Variants in MRPS6 observed in about 807,000 individuals in gnomAD.
MRPS6 encodes small ribosomal subunit protein bS6m.
MRPS6 carries 6 observed loss-of-function variants against 13.1 expected under a neutral mutation model. The observed-to-expected ratio is 0.46, with a 90% CI of 0.25 to 0.91. MRPS6 has a LOEUF of 0.91. Among genes scored for constraint, MRPS6 ranks in the 40% least tolerant of loss-of-function variants. The pLI is 0.18. For synonymous variants in MRPS6, 61 were observed against 56.5 expected, an observed-to-expected ratio of 1.08 and a Z score of -0.36; for missense variants, 164 against 155.6, an observed-to-expected ratio of 1.05 and a Z score of -0.29.
chr21:34,075,000 GAAGTT>G lies in MRPS6; in HGVS notation c.45+1259_45+1263del, dbSNP rs1725543031. Reference sequence around the variant, plus strand: ...CAGCTTGTTCTTCATGGATTTGGAAGAAGTTAAGATAGTATCTGTTCAGCCTCTTG... The same window carrying G: ...CAGCTTGTTCTTCATGGATTTGGAAGAAGATAGTATCTGTTCAGCCTCTTG... On this transcript the variant is annotated intron_variant, in intron 1 of 2. Coordinates refer to ENST00000399312, the MANE Select transcript of MRPS6 (RefSeq NM_032476.4). Among the ~76,000 whole-genome samples the G allele has an allele frequency of 7.2e-5, 11 of 152,320 alleles. No homozygotes were observed. In the South Asian group the frequency reaches 2.3e-3, roughly 32 times the overall value.
intron 1 of MRPS6, among the ~76,000 whole-genome samples, chr21:34,078,340 A>G (rs1989382569): frequency 6.6e-6 from 1 of 152,160 alleles, no homozygotes; most frequent in Non-Finnish European, 1.5e-5. Context: ...GCAGCAAGCT[A>G]TTGAAGAAGG....
intron 2 of MRPS6, among the ~76,000 whole-genome samples, chr21:34,139,832 C>G (rs1980848088): frequency 6.6e-6 from 1 of 152,182 alleles, no homozygotes; most frequent in African/African-American, 2.4e-5. Context: ...CCTGTCTAGG[C>G]CTCCCAAAGT....
At chr21:34,097,277 A>G in intron 1 of MRPS6, 1 of 1,613,774 alleles carries the variant, frequency 6.2e-7, no homozygotes, top group Non-Finnish European at 8.5e-7. Context: ...AGACTCGGCA[A>G]GTTAAAGTAA....
intron 1 of MRPS6, chr21:34,098,899 C>G: frequency 1.0e-6 from 1 of 997,314 alleles, no homozygotes; most frequent in South Asian, 4.7e-5. Flanking sequence ...CTTCTTTAAT[C>G]TCTGATACTT....
At chr21:34,120,057 G>A (rs150697454) in intron 1 of MRPS6, among the ~76,000 whole-genome samples, 6 of 152,326 alleles carry the variant, frequency 3.9e-5, no homozygotes, top group African/African-American at 1.4e-4. Context: ...GTAGTGAGTA[G>A]AACAGCTGGT....
intron 2 of MRPS6, among the ~76,000 whole-genome samples, chr21:34,131,712 G>A (rs1980507664): frequency 1.3e-5 from 2 of 152,146 alleles, no homozygotes; most frequent in Admixed American, 1.3e-4. Flanking sequence ...GACTGTACTT[G>A]GTGTTGTCAT....
intron 2 of MRPS6, among the ~76,000 whole-genome samples, chr21:34,134,442 C>T (rs912776705): frequency 1.3e-5 from 2 of 152,226 alleles, no homozygotes; most frequent in Non-Finnish European, 2.9e-5. Flanking sequence ...CACATCAGCT[C>T]ATTGACCAAG....
intron 1 of MRPS6, among the ~76,000 whole-genome samples, chr21:34,111,013 GGTACTAAATA>G (rs1979675731): frequency 6.6e-6 from 1 of 152,042 alleles, no homozygotes; most frequent in African/African-American, 2.4e-5. Context: ...AAAAAAACAT[GGTACTAAATA>G]GACAGCCAAA....
chr21:34,099,227 T>C (rs983913641), intron 1 of MRPS6: 5 of 1,000,084 alleles, frequency 5.0e-6, no homozygotes, highest in Admixed American at 6.2e-5. Flanking sequence ...GGTTTATAAT[T>C]TGGGGGCCAA....
rs1602941672 is a variant in MRPS6, at chr21:34,105,647, A to G, written c.46-19694A>G. ...CATTTTAGTTAGGCATTGTAGGCCA[A>G]ATGTGATTATAAATGAAGTTGATGA... On this transcript the variant is annotated intron_variant, in intron 1 of 2. Coordinates refer to ENST00000399312, the MANE Select transcript of MRPS6 (RefSeq NM_032476.4). 5.0e-6 allele frequency: 5 copies of G among 999,328 alleles called. 1 individual carries two copies. The South Asian group carries it at 1.4e-4, about 28-fold the overall frequency. 61.9% of individuals were successfully genotyped at this position (999,328 alleles called of 1,614,324 possible).
chr21:34,087,490 C>T (rs1978454024), intron 1 of MRPS6, among the ~76,000 whole-genome samples: 1 of 152,150 alleles, frequency 6.6e-6, no homozygotes, highest in South Asian at 2.1e-4. Context: ...ATGGAGTTTA[C>T]ATACATGGTA....
Position 34,096,852 on chromosome 21 carries a change from C to T in MRPS6, c.45+23107C>T, listed in dbSNP as rs1160216968. On this transcript the variant is annotated intron_variant, in intron 1 of 2. Transcript: ENST00000399312. This position sits in a 1 kb window ranked among gnomAD's most constrained non-coding sequence, Gnocchi z 5.9. ...CACCACCTTTTGGTCTAAGAAGAACCTGGTGGTGAAGGAGAACTGCTCCCC... is the reference window on the plus strand; with the variant it reads ...CACCACCTTTTGGTCTAAGAAGAACTTGGTGGTGAAGGAGAACTGCTCCCC... The T allele has an allele frequency of 2.5e-6, 4 of 1,613,922 alleles. No homozygotes were observed. The highest frequency in any genetic ancestry group is 4.5e-5 in the East Asian group (2 of 44,896).
chr21:34,104,045 G>A (rs1158838214), intron 1 of MRPS6: 2 of 999,974 alleles, frequency 2.0e-6, no homozygotes, highest in Non-Finnish European at 2.4e-6. Context: ...CATGCAGAAA[G>A]TCATACTTTA....
intron 1 of MRPS6, among the ~76,000 whole-genome samples, chr21:34,115,908 G>A: frequency 6.7e-6 from 1 of 149,442 alleles, no homozygotes; most frequent in Non-Finnish European, 1.5e-5. Flanking sequence ...TTCCATGTTT[G>A]TCTACATAGT....
At chr21:34,073,830 C>G in intron 1 of MRPS6, 85 bp downstream of exon 1, 1 of 1,041,444 alleles carries the variant, frequency 9.6e-7, no homozygotes, top group Admixed American at 4.0e-5. Context: ...GCCCTGGCCG[C>G]GGGACCCCGG....
intron 1 of MRPS6, among the ~76,000 whole-genome samples, chr21:34,114,157 C>G (rs564399539): frequency 6.6e-6 from 1 of 152,296 alleles, no homozygotes; most frequent in African/African-American, 2.4e-5. Flanking sequence ...GGAAACCTCT[C>G]AGCAAGAGGA....
intron 2 of MRPS6, among the ~76,000 whole-genome samples, chr21:34,132,318 A>G (rs1270146280): frequency 1.3e-5 from 2 of 152,298 alleles, no homozygotes; most frequent in Admixed American, 1.3e-4. Context: ...ACGGTGTAAT[A>G]GGGAGCCATG....
At chr21:34,129,990 G>A (rs1012120969) in intron 2 of MRPS6, among the ~76,000 whole-genome samples, 3 of 152,206 alleles carry the variant, frequency 2.0e-5, no homozygotes, top group African/African-American at 4.8e-5. Context: ...TCACTGCCTC[G>A]GTGAAGCCTG....
At chr21:34,095,666 G>A in intron 1 of MRPS6, 1 of 1,613,482 alleles carries the variant, frequency 6.2e-7, no homozygotes, top group Non-Finnish European at 8.5e-7. Context: ...CTTTGGGTTG[G>A]AATCTTTATG....
Sources: allele counts gnomAD v4.1 joint callset (sites outside exome capture counted in the v4.1 genomes callset), GRCh38; gene constraint gnomAD v4.1.1; non-coding constraint Gnocchi (gnomAD v3.1); transcripts MANE v1.5; gene names NCBI Gene and HGNC (gene_info 2026-07-23, HGNC 2026-07-21).